GALNT17: variants seen among roughly 807,000 people sequenced by gnomAD.
The protein encoded by GALNT17 is polypeptide N-acetylgalactosaminyltransferase 17.
In GALNT17, 29 loss-of-function variants were observed where a neutral mutation model predicts 63.7. The observed-to-expected ratio is 0.46, with a 90% CI of 0.34 to 0.62. The LOEUF is 0.62. Among genes scored for constraint, GALNT17 ranks in the 20% least tolerant of loss-of-function variants. The probability of loss-of-function intolerance (pLI) is 0.01; values close to 1 mark genes in which losing one functional copy is unlikely to be tolerated. For synonymous variants in GALNT17, 305 were observed against 318.3 expected (o/e 0.96, Z 0.45); for missense variants, 603 against 799.6 (o/e 0.75, Z 2.97).
chr7:71,530,686 G>A (rs917787686), intron 5 of GALNT17, among the ~76,000 whole-genome samples: 4 of 152,122 alleles, frequency 2.6e-5, no homozygotes, highest in African/African-American at 9.6e-5. Context: ...TCCTGCCTCA[G>A]CCTCCCAAAT....
chr7:71,376,098 A>G (rs1204973029), intron 2 of GALNT17, among the ~76,000 whole-genome samples: 1 of 151,692 alleles, frequency 6.6e-6, no homozygotes, highest in East Asian at 1.9e-4. Context: ...GAAAAAGAAA[A>G]AGAAAAAAAA....
intron 1 of GALNT17, among the ~76,000 whole-genome samples, chr7:71,215,042 A>G (rs778999135): frequency 7.2e-5 from 11 of 152,174 alleles, no homozygotes; most frequent in Non-Finnish European, 1.3e-4. Flanking sequence ...CATTTCTGGG[A>G]TGTTCTTAAT....
intron 5 of GALNT17, among the ~76,000 whole-genome samples, chr7:71,501,169 A>C (rs1311343299): frequency 6.6e-6 from 1 of 151,764 alleles, no homozygotes; most frequent in East Asian, 1.9e-4. Flanking sequence ...GGGTTTTCTC[A>C]TGTTGGCCAG....
Position 71,421,093 on chromosome 7 carries a change from C to G in GALNT17, c.950C>G (p.Ser317Cys). The G allele has an allele frequency of 6.2e-7, 1 of 1,613,966 alleles. No individual in the cohort carries two copies. The highest frequency in any genetic ancestry group is 8.5e-7 in the Non-Finnish European group (1 of 1,179,920). Reference protein sequence around the residue: ...PKDWWDAGDPSLPIRTPAMIG... With the variant: ...PKDWWDAGDPCLPIRTPAMIG... ...GACTGGTGGGACGCCGGAGACCCTT[C>G]TCTCCCCATCAGGTCTGTGGCTGGT... is the stretch of plus-strand genomic sequence containing the variant. Residue 317 changes from serine (S) to cysteine (C), a missense_variant, in exon 5 of 11, where the codon TCT becomes TGT. Transcript: ENST00000333538.
chr7:71,143,239 C>G (rs897809545), intron 1 of GALNT17, among the ~76,000 whole-genome samples: 1 of 151,148 alleles, frequency 6.6e-6, no homozygotes, highest in East Asian at 2.0e-4. Context: ...CTGGCCAACA[C>G]AGCGAAACCC....
chr7:71,429,437 G>C (rs1786820283), intron 5 of GALNT17, among the ~76,000 whole-genome samples: 1 of 152,244 alleles, frequency 6.6e-6, no homozygotes, highest in African/African-American at 2.4e-5. Flanking sequence ...AGGGGTAAAA[G>C]TCTGGAATCA....
At chr7:71,370,709 C>T (rs1792605850) in intron 2 of GALNT17, among the ~76,000 whole-genome samples, 1 of 152,160 alleles carries the variant, frequency 6.6e-6, no homozygotes, top group Admixed American at 6.6e-5. Flanking sequence ...CTCAATTGAT[C>T]TGCCCACCTC....
chr7:71,283,587 G>A (rs941735530), intron 1 of GALNT17, among the ~76,000 whole-genome samples: 1 of 152,106 alleles, frequency 6.6e-6, no homozygotes, highest in Admixed American at 6.5e-5. Flanking sequence ...ATATGGTTTG[G>A]CTGTGTCCCC....
chr7:71,220,915 T>A (rs1017890883), intron 1 of GALNT17, among the ~76,000 whole-genome samples: 7 of 152,182 alleles, frequency 4.6e-5, no homozygotes, highest in Non-Finnish European at 8.8e-5. Flanking sequence ...GGCAAACTAA[T>A]ATATGAAGTG....
chr7:71,502,501 G>A (rs992399636), intron 5 of GALNT17, among the ~76,000 whole-genome samples: 2 of 152,196 alleles, frequency 1.3e-5, no homozygotes, highest in Non-Finnish European at 2.9e-5. Flanking sequence ...TACGGTGTGT[G>A]TATGTCTCTC....
At chr7:71,495,449 A>G (rs191539924) in intron 5 of GALNT17, among the ~76,000 whole-genome samples, 6 of 152,266 alleles carry the variant, frequency 3.9e-5, no homozygotes, top group East Asian at 3.9e-4. Flanking sequence ...ACATCTGTCT[A>G]TGGATTAGTA....
intron 5 of GALNT17, among the ~76,000 whole-genome samples, chr7:71,524,109 T>G (rs1232529723): frequency 1.3e-5 from 2 of 151,072 alleles, no homozygotes; most frequent in Non-Finnish European, 2.9e-5. Flanking sequence ...AGAGCGAGAA[T>G]GTGTCTCAAA....
At chr7:71,190,793 A>C (rs977477607) in intron 1 of GALNT17, among the ~76,000 whole-genome samples, 2 of 151,320 alleles carry the variant, frequency 1.3e-5, no homozygotes, top group African/African-American at 4.9e-5. Flanking sequence ...CACCATGCCC[A>C]CCTGTATTTT....
At chr7:71,444,272 G>T (rs912716406) in intron 5 of GALNT17, among the ~76,000 whole-genome samples, 2 of 152,128 alleles carry the variant, frequency 1.3e-5, no homozygotes, top group Non-Finnish European at 2.9e-5. Context: ...AGCCCCAGCT[G>T]CAGGCTTCAT....
chr7:71,236,997 G>C (rs1157164862), intron 1 of GALNT17, among the ~76,000 whole-genome samples: 6 of 152,138 alleles, frequency 3.9e-5, no homozygotes, highest in Non-Finnish European at 5.9e-5. Flanking sequence ...AAAATCTCAT[G>C]CATCGCCTGC....
At chr7:71,155,740 A>G (rs192832506) in intron 1 of GALNT17, among the ~76,000 whole-genome samples, 1 of 152,006 alleles carries the variant, frequency 6.6e-6, no homozygotes, top group East Asian at 1.9e-4. Context: ...ACATCCTGGA[A>G]ACCTATAGAG....
At chr7:71,201,292 T>C (rs995382730) in intron 1 of GALNT17, among the ~76,000 whole-genome samples, 1 of 142,866 alleles carries the variant, frequency 7.0e-6, no homozygotes, top group Admixed American at 7.0e-5. Context: ...CTTAATACTA[T>C]ACATGTGTGG....
intron 6 of GALNT17, among the ~76,000 whole-genome samples, chr7:71,590,651 A>C (rs1451881867): frequency 1.3e-5 from 2 of 152,214 alleles, no homozygotes; most frequent in South Asian, 2.1e-4. Flanking sequence ...ACCTGCCCCT[A>C]TTCTATTTAG....
At chr7:71,662,863 G>A (rs193065138) in intron 6 of GALNT17, among the ~76,000 whole-genome samples, 220 of 152,228 alleles carry the variant, frequency 1.4e-3, no homozygotes, top group African/African-American at 4.8e-3. Flanking sequence ...TGTTTAGGTC[G>A]TTGATCCATT....
Sources: allele counts gnomAD v4.1 joint callset (sites outside exome capture counted in the v4.1 genomes callset), GRCh38; gene constraint gnomAD v4.1.1; transcripts MANE v1.5; gene names NCBI Gene and HGNC (gene_info 2026-07-23, HGNC 2026-07-21).